NEMF: variants seen among roughly 807,000 people sequenced by gnomAD.
NEMF encodes nuclear export mediator factor, also known as ribosome quality control complex subunit NEMF.
Under a neutral mutation model 162.2 loss-of-function variants are expected in NEMF, and 89 were observed. The ratio of observed to expected loss-of-function variants is 0.55; its 90% CI spans 0.46 to 0.65. NEMF has a LOEUF of 0.65. NEMF is among the 30% of genes least tolerant of loss of function. NEMF has a pLI of 0.00. For synonymous variants in NEMF, 421 were observed against 404.5 expected (o/e 1.04, Z -0.49); for missense variants, 1,133 against 1,261.9 (o/e 0.90, Z 1.55).
intron 4 of NEMF, among the ~76,000 whole-genome samples, chr14:49,844,635 T>G (rs1300644808): frequency 6.6e-6 from 1 of 152,078 alleles, no homozygotes; most frequent in Non-Finnish European, 1.5e-5. Context: ...ACTAAATTTG[T>G]TTTTTATTTT....
At chr14:49,831,770 A>G (rs1329177572) in intron 10 of NEMF, among the ~76,000 whole-genome samples, 1 of 152,222 alleles carries the variant, frequency 6.6e-6, no homozygotes, top group South Asian at 2.1e-4. Context: ...ATTGTGTTTC[A>G]TAACACCACT....
intron 4 of NEMF, among the ~76,000 whole-genome samples, chr14:49,842,879 G>A (rs1312849393): frequency 6.6e-6 from 1 of 151,978 alleles, no homozygotes; most frequent in Non-Finnish European, 1.5e-5. Flanking sequence ...GGTGGCAGGT[G>A]CCTGTAATCC....
rs184808426 is a variant in NEMF at position 49,838,261 on chromosome 14, T to A, written c.507-55A>T. The A allele has an allele frequency of 2.0e-3, 2,789 of 1,396,740 alleles. 1 individual carries two copies. The highest frequency in any genetic ancestry group is 2.3e-3 in the Non-Finnish European group (2,246 of 983,842). The allele number at this position is 1,396,740 out of a possible 1,614,324, so 86.5% of individuals were successfully genotyped here. The stretch of plus-strand genomic sequence containing the variant: ...ATATCTTAAATAAACCTTACAGCAA[T>A]CTTCATATTAATACTACTTTCATCT... On this transcript the variant is annotated intron_variant, in intron 5 of 32. Coordinates refer to ENST00000298310, the MANE Select transcript of NEMF (RefSeq NM_004713.6).
chr14:49,796,075 C>A, intron 25 of NEMF, 131 bp from the exon 26 acceptor site: 1 of 659,658 alleles, frequency 1.5e-6, no homozygotes, highest in Non-Finnish European at 2.6e-6. Flanking sequence ...TGATAATCAC[C>A]AAGTTAGAAA....
intron 26 of NEMF, among the ~76,000 whole-genome samples, chr14:49,794,811 T>G (rs1202268239): frequency 6.7e-6 from 1 of 149,516 alleles, no homozygotes; most frequent in African/African-American, 2.5e-5. Context: ...CTCCGCCTCC[T>G]GGGTTCAAGC....
rs368350045 is a variant in NEMF, at chr14:49,828,726, T to C, written c.1314A>G (p.Pro438=). The C allele has an allele frequency of 6.2e-6, 10 of 1,602,450 alleles. No individual in the cohort carries two copies. The Admixed American group carries it at 6.9e-5, about 11-fold the overall frequency. ...VNVEKNETEP[P]KGKKKKQKNK... ...TCTTTTGTTTTTTCTTTTTTCCTTT[T>C]GGTGGTTCAGTTTCATTTTTCTCAA... The change falls in exon 14 of 33, where the codon CCA becomes CCG. Residue 438 remains proline (P), a synonymous_variant. Transcript: ENST00000298310.
chr14:49,816,137 TTTTG>T, intron 16 of NEMF, among the ~76,000 whole-genome samples: 1 of 152,224 alleles, frequency 6.6e-6, no homozygotes, highest in Admixed American at 6.5e-5. Context: ...ATCTTCTCTT[TTTTG>T]TTGCGGGAAG....
chr14:49,834,983 G>C lies in NEMF; in HGVS notation c.575-534C>G, dbSNP rs188298484. 1.4e-4 allele frequency among the ~76,000 whole-genome samples: 22 copies of C among 152,302 alleles called. No individual in the cohort carries two copies. The East Asian group carries it at 3.5e-3, about 24-fold the overall frequency. ...GGAGGCCAAGGCAGGCAGATCACCT[G>C]AGGTCGGGAGTTGGAGACCAGCCTG... On this transcript the variant is annotated intron_variant, in intron 6 of 32. Coordinates refer to ENST00000298310, the MANE Select transcript of NEMF (RefSeq NM_004713.6).
chr14:49,802,698 G>T lies in NEMF; in HGVS notation c.1945C>A (p.Leu649Ile). ...AAAAGGAAGCTAAACCCCATCATTA[G>T]ATATGAGGGAGGAAGAAAATTCTTT... Reference protein sequence around the residue: ...GKKNFLPPSYLMMGFSFLFKV... With the variant: ...GKKNFLPPSYIMMGFSFLFKV... Residue 649 changes from leucine to isoleucine, a missense_variant, in exon 21 of 33, where the codon CTA (leucine) becomes ATA (isoleucine). Physicochemically the swap from Leu to Ile is conservative, Grantham distance 5. Transcript: ENST00000298310. 1.1e-5 allele frequency: 18 copies of T among 1,611,426 alleles called. No individual in the cohort carries two copies. Among genetic ancestry groups the T allele is most frequent in the Non-Finnish European group, 1.5e-5 (18 of 1,178,478 alleles).
chr14:49,785,353 T>A (rs182447352), intron 29 of NEMF, 33 bp from the exon 30 acceptor site: 2 of 1,442,186 alleles, frequency 1.4e-6, no homozygotes, highest in Non-Finnish European at 2.0e-6. Flanking sequence ...ACAAAGGCAA[T>A]TTATACCGCC....
chr14:49,820,486 C>G (rs375814555), intron 16 of NEMF: 2 of 456,116 alleles, frequency 4.4e-6, no homozygotes, highest in African/African-American at 4.0e-5. Context: ...AGCTAATAAT[C>G]GGCTGGGCGC....
intron 4 of NEMF, chr14:49,844,776 T>A: frequency 2.4e-6 from 1 of 414,404 alleles, no homozygotes. Context: ...TATATTTTTT[T>A]TTTCCTTTTT....
chr14:49,823,564 G>A (rs975531117), intron 16 of NEMF, among the ~76,000 whole-genome samples: 5 of 152,122 alleles, frequency 3.3e-5, no homozygotes, highest in South Asian at 4.2e-4. Flanking sequence ...AGAGCAAAAC[G>A]ATAGACTTGA....
chr14:49,812,252 G>A (rs116256235), intron 18 of NEMF, among the ~76,000 whole-genome samples: 2,525 of 151,974 alleles, frequency 0.017, 63 homozygotes, highest in African/African-American at 0.057. Flanking sequence ...CTGTAAAGTC[G>A]GAAGTAATGT....
At chr14:49,802,824 TCATATCCA>T in intron 20 of NEMF, 97 bp from the exon 21 acceptor site, 2 of 810,110 alleles carry the variant, frequency 2.5e-6, no homozygotes, top group Non-Finnish European at 4.1e-6. Flanking sequence ...ACACTAATGG[TCATATCCA>T]TTTTGTCTTT....
At chr14:49,786,492 A>G (rs1159688006) in intron 29 of NEMF, 2 of 550,048 alleles carry the variant, frequency 3.6e-6, no homozygotes, top group Non-Finnish European at 6.4e-6. Flanking sequence ...TCTCCTGGGT[A>G]GGGACATTAT....
intron 19 of NEMF, among the ~76,000 whole-genome samples, chr14:49,803,820 G>A (rs943630957): frequency 2.6e-5 from 4 of 151,374 alleles, no homozygotes; most frequent in South Asian, 2.1e-4. Flanking sequence ...CACTATGCCC[G>A]GCAATAATTT....
At chr14:49,828,168 G>A (rs1399087643) in intron 15 of NEMF, 123 bp downstream of exon 15, 1 of 759,652 alleles carries the variant, frequency 1.3e-6, no homozygotes, top group Non-Finnish European at 2.3e-6. Flanking sequence ...TATATTTAAA[G>A]CAAAGTTAAG....
At chr14:49,831,043 G>T (rs146697851) in intron 11 of NEMF, among the ~76,000 whole-genome samples, 239 of 152,280 alleles carry the variant, frequency 1.6e-3, no homozygotes, top group African/African-American at 5.4e-3. Context: ...TAAATAACAG[G>T]CCTCACGTTC....
Sources: gnomAD v4.1 joint callset for allele counts (sites outside exome capture counted in the v4.1 genomes callset) on GRCh38, gnomAD v4.1.1 for gene constraint, MANE v1.5 for transcripts, NCBI Gene and HGNC (gene_info 2026-07-23, HGNC 2026-07-21) for gene names.